The following RBL2 variants were observed in gnomAD, a reference collection of about 807,000 sequenced individuals.
RBL2 encodes the protein RB transcriptional corepressor like 2, also known as retinoblastoma-like protein 2.
In RBL2, 56 loss-of-function variants were observed where a neutral mutation model predicts 126.0. The ratio of observed to expected loss-of-function variants is 0.44; its 90% CI spans 0.36 to 0.56. The LOEUF is 0.56. Among genes scored for constraint, RBL2 ranks in the 20% least tolerant of loss-of-function variants. The pLI is 0.00. For missense variants in RBL2, 1,229 were observed against 1,398.2 expected (o/e 0.88, Z 1.93); for synonymous variants, 454 against 478.5 (o/e 0.95, Z 0.67).
At chr16:53,479,497 A>G (rs1960860953) in intron 18 of RBL2, 1 of 511,660 alleles carries the variant, frequency 2.0e-6, no homozygotes, top group African/African-American at 1.9e-5. Context: ...TTTCTATGTC[A>G]CCTTTCATTC....
chr16:53,467,492 A>G (rs1008846025), intron 14 of RBL2, among the ~76,000 whole-genome samples: 2 of 152,186 alleles, frequency 1.3e-5, no homozygotes, highest in Admixed American at 1.3e-4. Flanking sequence ...GGTTCAAGCG[A>G]TTCTCATGCC....
intron 8 of RBL2, among the ~76,000 whole-genome samples, chr16:53,456,293 G>T (rs1487643488): frequency 6.6e-6 from 1 of 152,160 alleles, no homozygotes; most frequent in Non-Finnish European, 1.5e-5. Context: ...TCTGATTGAG[G>T]TGAAAGCCAT....
intron 2 of RBL2, among the ~76,000 whole-genome samples, chr16:53,440,695 A>G (rs946461542): frequency 1.3e-5 from 2 of 152,110 alleles, no homozygotes; most frequent in Non-Finnish European, 2.9e-5. Context: ...CTGGGATTAC[A>G]GATGCGCACC....
In RBL2 at chr16:53,454,794, T is replaced by C; in HGVS notation, c.1131T>C (p.Thr377=). 6.2e-7 allele frequency: 1 copy of C among 1,614,050 alleles called. No homozygotes were observed. Among genetic ancestry groups the C allele is most frequent in the South Asian group, 1.1e-5 (1 of 91,072 alleles). ...TGAACGCTGGTTCAGGAACAGAGAC[T>C]GCTGAAAGGGTGCAGATGAAAAACA... is the stretch of plus-strand genomic sequence containing the variant. ...RCLNAGSGTE[T]AERVQMKNIL... The change falls in exon 8 of 22, where the codon ACT becomes ACC. Residue 377 remains threonine, a synonymous_variant. Coordinates refer to ENST00000262133, the MANE Select transcript of RBL2 (RefSeq NM_005611.4).
intron 17 of RBL2, among the ~76,000 whole-genome samples, 199 bp downstream of exon 17, chr16:53,471,121 T>C (rs892306051): frequency 6.6e-6 from 1 of 152,248 alleles, no homozygotes; most frequent in Non-Finnish European, 1.5e-5. Context: ...TGTATAGTTA[T>C]ATGAGAGTAT....
intron 21 of RBL2, 53 bp from the exon 22 acceptor site, chr16:53,490,077 C>T: frequency 7.4e-7 from 1 of 1,358,862 alleles, no homozygotes; most frequent in Non-Finnish European, 9.9e-7. Flanking sequence ...TGACTTAATA[C>T]TGAGCTATGT....
chr16:53,486,205 G>A (rs1451177841), intron 21 of RBL2, among the ~76,000 whole-genome samples: 1 of 151,896 alleles, frequency 6.6e-6, no homozygotes, highest in Non-Finnish European at 1.5e-5. Context: ...GGAGGCTGAG[G>A]TGGGAGGGTT....
chr16:53,444,939 G>A lies in RBL2; in HGVS notation c.572+2081G>A, dbSNP rs532513691. ...AGGCCAATGTGATCATTTATGGGAAGATATCTTCTTTCTTTGGAGTATCTG... is the reference window on the plus strand; with the variant it reads ...AGGCCAATGTGATCATTTATGGGAAAATATCTTCTTTCTTTGGAGTATCTG... On this transcript the variant is annotated intron_variant, in intron 3 of 21. Transcript: ENST00000262133. 3.3e-5 allele frequency among the ~76,000 whole-genome samples: 5 copies of A among 152,308 alleles called. No individual in the cohort carries two copies. In the East Asian group the frequency reaches 9.6e-4, roughly 29 times the overall value.
At chr16:53,457,046 T>A (rs2058174274) in intron 8 of RBL2, among the ~76,000 whole-genome samples, 1 of 152,024 alleles carries the variant, frequency 6.6e-6, no homozygotes, top group South Asian at 2.1e-4. Context: ...GAACATTTAC[T>A]ACTGAAATTT....
At chr16:53,435,206 G>A (rs2057946001) in intron 1 of RBL2, among the ~76,000 whole-genome samples, 1 of 152,168 alleles carries the variant, frequency 6.6e-6, no homozygotes, top group African/African-American at 2.4e-5. Flanking sequence ...TGGCACCTGG[G>A]TCTCCAGGCG....
In RBL2 at chr16:53,479,999, G is replaced by T; in HGVS notation, c.2881+8G>T. 1 of 1,559,672 alleles carries T rather than the reference G, an allele frequency of 6.4e-7. No individual in the cohort carries two copies. The highest frequency in any genetic ancestry group is 2.2e-5 in the East Asian group (1 of 44,562). ...AACTAAACAAAGATAGAAGTAAGTG[G>T]GATCTTTGTGAACTACAAGACAAAA... On this transcript the variant is annotated splice_region_variant and intron_variant, in intron 19 of 21. Coordinates refer to ENST00000262133, the MANE Select transcript of RBL2 (RefSeq NM_005611.4).
At position 53,459,651 on chromosome 16, in the gene RBL2, G is replaced by A. The variant is rs141289378; in HGVS notation, c.1346+34G>A. On this transcript the variant is annotated intron_variant, in intron 9 of 21. Transcript: ENST00000262133. ...GAGCCCTGTCTGCTTTCTAAGATTTGGTTATTGACCATTTTCCAATTTCCT... is the reference window on the plus strand; with the variant it reads ...GAGCCCTGTCTGCTTTCTAAGATTTAGTTATTGACCATTTTCCAATTTCCT... 40 of 1,489,184 alleles carry A rather than the reference G, an allele frequency of 2.7e-5. No individual in the cohort carries two copies. In the African/African-American group the frequency reaches 5.3e-4, roughly 20 times the overall value. The allele number at this position is 1,489,184 out of a possible 1,614,324, so 92.2% of individuals were successfully genotyped here.
chr16:53,480,842 G>T, intron 20 of RBL2, 73 bp downstream of exon 20: 2 of 1,443,716 alleles, frequency 1.4e-6, no homozygotes, highest in Non-Finnish European at 1.9e-6. Context: ...ATTTATATAT[G>T]GACCATTCAC....
intron 21 of RBL2, among the ~76,000 whole-genome samples, chr16:53,482,639 A>C (rs188634519): frequency 6.6e-6 from 1 of 152,032 alleles, no homozygotes; most frequent in Non-Finnish European, 1.5e-5. Flanking sequence ...GTGAAACCTC[A>C]TCTCTATTAA....
chr16:53,439,954 C>CA (rs10591959), intron 2 of RBL2, among the ~76,000 whole-genome samples: 2,193 of 90,216 alleles, frequency 0.024, 6 homozygotes, highest in East Asian at 0.071. Context: ...ACCTTGTCTC[C>CA]AAAAAAAAAA....
At chr16:53,446,643 A>T (rs892865082) in intron 3 of RBL2, among the ~76,000 whole-genome samples, 1 of 152,272 alleles carries the variant, frequency 6.6e-6, no homozygotes, top group East Asian at 1.9e-4. Context: ...ATCTTTAAGG[A>T]GGGAGGGAGG....
intron 8 of RBL2, 73 bp from the exon 9 acceptor site, chr16:53,459,378 A>G (rs779072759): frequency 7.8e-5 from 99 of 1,276,956 alleles, no homozygotes; most frequent in Non-Finnish European, 1.0e-4. Context: ...GAAGTGAATT[A>G]AAGTCTTTCT....
chr16:53,480,483 G>C (rs1355287007), intron 19 of RBL2, 84 bp from the exon 20 acceptor site: 1 of 1,170,398 alleles, frequency 8.5e-7, no homozygotes. Context: ...GCAGGTAGCT[G>C]TTCCCTTTCT....
At position 53,479,866 on chromosome 16, in the gene RBL2, T is replaced by C; in HGVS notation, c.2776-20T>C. ...TCAACAAATACTAGTTTATGTCCCC[T>C]TCTCATTGTTTCTCTAAAGGTGTAT... On this transcript the variant is annotated intron_variant, in intron 18 of 21. Coordinates refer to ENST00000262133, the MANE Select transcript of RBL2 (RefSeq NM_005611.4). 1.3e-6 allele frequency: 2 copies of C among 1,512,196 alleles called. No individual in the cohort carries two copies. Among genetic ancestry groups the C allele is most frequent in the South Asian group, 1.2e-5 (1 of 85,166 alleles). The allele number at this position is 1,512,196 out of a possible 1,614,324, so 93.7% of individuals were successfully genotyped here.
Sources: allele counts gnomAD v4.1 joint callset (sites outside exome capture counted in the v4.1 genomes callset), GRCh38; gene constraint gnomAD v4.1.1; transcripts MANE v1.5; gene names NCBI Gene and HGNC (gene_info 2026-07-23, HGNC 2026-07-21).